PTPRZ1: variants seen among roughly 807,000 people sequenced by gnomAD.
PTPRZ1 encodes receptor-type tyrosine-protein phosphatase zeta.
Under a neutral mutation model 214.1 loss-of-function variants are expected in PTPRZ1, and 82 were observed. The ratio of observed to expected loss-of-function variants is 0.38; its 90% CI spans 0.32 to 0.46. The LOEUF (loss-of-function observed/expected upper bound fraction) is 0.46, where lower values mean the gene tolerates loss of function less well. PTPRZ1 is among the 20% of genes least tolerant of loss of function. PTPRZ1 has a pLI of 1.00. For synonymous variants in PTPRZ1, 945 were observed against 987.9 expected (o/e 0.96, Z 0.81); for missense variants, 2,603 against 2,748.7 (o/e 0.95, Z 1.19).
intron 2 of PTPRZ1, among the ~76,000 whole-genome samples, chr7:121,957,762 G>A (rs1796752494): frequency 6.6e-6 from 1 of 152,170 alleles, no homozygotes; most frequent in Admixed American, 6.5e-5. Flanking sequence ...CTGAGCTCAT[G>A]TTAGTTCAAC....
Position 122,038,768 on chromosome 7 carries a change from C to T in PTPRZ1, c.5381C>T (p.Pro1794Leu), listed in dbSNP as rs1562876497. The change falls in exon 19 of 30, where the codon CCA becomes CTA. Residue 1794 changes from proline (P) to leucine (L), a missense_variant. Coordinates refer to ENST00000393386, the MANE Select transcript of PTPRZ1 (RefSeq NM_002851.3). ...NANYVDGYNR[P>L]KAYIAAQGPL... ...TTAATTCTTCAGGGCTACAACAGACCAAAAGCTTATATTGCTGCCCAAGGC... is the reference window on the plus strand; with the variant it reads ...TTAATTCTTCAGGGCTACAACAGACTAAAAGCTTATATTGCTGCCCAAGGC... 1.9e-6 allele frequency: 3 copies of T among 1,613,376 alleles called. No homozygotes were observed. The highest frequency in any genetic ancestry group is 1.3e-5 in the African/African-American group (1 of 74,938).
At chr7:121,928,275 T>C in intron 2 of PTPRZ1, 54 bp downstream of exon 2, 7 of 1,347,208 alleles carry the variant, frequency 5.2e-6, no homozygotes, top group Non-Finnish European at 7.3e-6. Context: ...TTGTTTTGTA[T>C]CTATTTTTAT....
intron 17 of PTPRZ1, among the ~76,000 whole-genome samples, chr7:122,034,727 G>T (rs900720564): frequency 1.3e-5 from 2 of 151,896 alleles, no homozygotes; most frequent in Non-Finnish European, 2.9e-5. Flanking sequence ...ACTCTTATGT[G>T]AATTTACCAA....
intron 12 of PTPRZ1, among the ~76,000 whole-genome samples, chr7:122,018,628 A>G (rs1798917541): frequency 6.6e-6 from 1 of 152,138 alleles, no homozygotes; most frequent in South Asian, 2.1e-4. Context: ...TTATCCTAAT[A>G]TAAGAAGAGT....
chr7:121,897,378 A>G (rs941407032), intron 1 of PTPRZ1, among the ~76,000 whole-genome samples: 7 of 152,214 alleles, frequency 4.6e-5, no homozygotes, highest in African/African-American at 1.7e-4. Context: ...TATGGAAAAA[A>G]AAATGTAACA....
chr7:122,011,220 C>T lies in PTPRZ1; in HGVS notation c.2174C>T (p.Pro725Leu). Residue 725 changes from proline (P) to leucine (L), a missense_variant, in exon 12 of 30, where the codon CCT becomes CTT. Coordinates refer to ENST00000393386, the MANE Select transcript of PTPRZ1 (RefSeq NM_002851.3). Reference sequence around the variant, plus strand: ...GCCTACTTCCCAACTGAGGTAACACCTCATGCTTTTACCCCATCCTCCAGA... The same window carrying T: ...GCCTACTTCCCAACTGAGGTAACACTTCATGCTTTTACCCCATCCTCCAGA... ...TFAYFPTEVTPHAFTPSSRQQ... is the reference protein window; with the variant it reads ...TFAYFPTEVTLHAFTPSSRQQ... The T allele has an allele frequency of 6.2e-7, 1 of 1,614,094 alleles. No individual in the cohort carries two copies. Among genetic ancestry groups the T allele is most frequent in the Non-Finnish European group, 8.5e-7 (1 of 1,180,016 alleles).
At chr7:121,939,330 C>G (rs1796176869) in intron 2 of PTPRZ1, among the ~76,000 whole-genome samples, 1 of 152,160 alleles carries the variant, frequency 6.6e-6, no homozygotes, top group Non-Finnish European at 1.5e-5. Context: ...GCAGAGCCAC[C>G]TAGAACCAGT....
At chr7:122,035,653 C>G (rs1293642954) in intron 17 of PTPRZ1, among the ~76,000 whole-genome samples, 1 of 152,212 alleles carries the variant, frequency 6.6e-6, no homozygotes, top group Non-Finnish European at 1.5e-5. Context: ...TGAGACCCAT[C>G]TGTCAGTTGC....
chr7:122,051,820 TTTG>T (rs1562883712), intron 24 of PTPRZ1, 43 bp from the exon 25 acceptor site: 1 of 1,535,936 alleles, frequency 6.5e-7, no homozygotes, highest in African/African-American at 1.4e-5. Flanking sequence ...GTTGTTTTGT[TTTG>T]TTTTGTTTTG....
chr7:121,977,061 G>T (rs1268417865), intron 6 of PTPRZ1, among the ~76,000 whole-genome samples: 1 of 152,090 alleles, frequency 6.6e-6, no homozygotes, highest in Non-Finnish European at 1.5e-5. Context: ...TCAAAAGCAT[G>T]AAACATTAAT....
chr7:121,955,721 G>A (rs951270553), intron 2 of PTPRZ1, among the ~76,000 whole-genome samples: 3 of 152,136 alleles, frequency 2.0e-5, no homozygotes, highest in African/African-American at 7.2e-5. Context: ...CAAATATAAA[G>A]GTCATAACAT....
At chr7:121,908,396 T>C (rs1384277056) in intron 1 of PTPRZ1, 7 of 366,168 alleles carry the variant, frequency 1.9e-5, no homozygotes, top group Non-Finnish European at 2.1e-5. Flanking sequence ...CATCTGTATT[T>C]CTTAATTTTA....
At chr7:121,890,249 C>A (rs1584606234) in intron 1 of PTPRZ1, among the ~76,000 whole-genome samples, 1 of 152,290 alleles carries the variant, frequency 6.6e-6, no homozygotes, top group Non-Finnish European at 1.5e-5. Context: ...TCCTCCCATC[C>A]CAACTCCTAC....
chr7:122,003,792 C>T (rs1011945041), intron 10 of PTPRZ1, among the ~76,000 whole-genome samples: 2 of 152,170 alleles, frequency 1.3e-5, no homozygotes, highest in African/African-American at 2.4e-5. Context: ...CGCTCAGTAA[C>T]GTGGTAGAGT....
At chr7:122,001,454 T>C (rs1203649629) in intron 10 of PTPRZ1, among the ~76,000 whole-genome samples, 1 of 152,224 alleles carries the variant, frequency 6.6e-6, no homozygotes, top group Non-Finnish European at 1.5e-5. Flanking sequence ...AAATGCATGA[T>C]GAATTAAATC....
At chr7:121,970,824 A>G (rs573418265) in intron 3 of PTPRZ1, among the ~76,000 whole-genome samples, 1 of 152,114 alleles carries the variant, frequency 6.6e-6, no homozygotes, top group Non-Finnish European at 1.5e-5. Context: ...CCATTTGTCA[A>G]TTTTGGCTTT....
At chr7:122,037,240 A>C (rs1030858867) in intron 18 of PTPRZ1, among the ~76,000 whole-genome samples, 13 of 149,994 alleles carry the variant, frequency 8.7e-5, no homozygotes, top group African/African-American at 3.2e-4. Flanking sequence ...GCACTTCTGC[A>C]CTCCAGCCTG....
chr7:121,898,469 G>T (rs1049843870), intron 1 of PTPRZ1, among the ~76,000 whole-genome samples: 2 of 152,142 alleles, frequency 1.3e-5, no homozygotes, highest in Non-Finnish European at 2.9e-5. Flanking sequence ...AATAGATATT[G>T]TCTCCATTGT....
intron 8 of PTPRZ1, among the ~76,000 whole-genome samples, 157 bp from the exon 9 acceptor site, chr7:121,996,225 A>C (rs568979791): frequency 3.3e-5 from 5 of 152,326 alleles, no homozygotes; most frequent in African/African-American, 9.6e-5. Flanking sequence ...TATTTTAGAT[A>C]TAGGAAATGG....
Sources: gnomAD v4.1 joint callset for allele counts (sites outside exome capture counted in the v4.1 genomes callset) on GRCh38, gnomAD v4.1.1 for gene constraint, MANE v1.5 for transcripts, NCBI Gene and HGNC (gene_info 2026-07-23, HGNC 2026-07-21) for gene names.